Variants in BACH2 observed in about 807,000 individuals in gnomAD.
BACH2 encodes transcription regulator protein BACH2.
Under a neutral mutation model 61.8 loss-of-function variants are expected in BACH2, and 5 were observed. That is an observed-to-expected ratio of 0.08 (90% CI 0.04 to 0.17). BACH2 has a LOEUF of 0.17. Ranked by LOEUF, BACH2 falls within the 10% of genes least tolerant of loss-of-function variation. BACH2 has a pLI of 1.00. For missense variants in BACH2, 824 were observed against 1,091.1 expected, an observed-to-expected ratio of 0.76 and a Z score of 3.45; for synonymous variants, 446 against 440.1, an observed-to-expected ratio of 1.01 and a Z score of -0.17.
At chr6:90,225,991 TAG>T (rs1769899902) in intron 3 of BACH2, among the ~76,000 whole-genome samples, 2 of 152,122 alleles carry the variant, frequency 1.3e-5, no homozygotes, top group South Asian at 4.1e-4. Flanking sequence ...TCAGAAATGC[TAG>T]AGAGGCACCC....
At position 89,931,557 on chromosome 6, in the gene BACH2, CA is replaced by C. The variant is rs1254043861; in HGVS notation, c.*850del. The C allele has an allele frequency of 2.6e-5, 4 of 152,460 alleles. No individual in the cohort carries two copies. The highest frequency in any genetic ancestry group is 9.7e-5 in the African/African-American group (4 of 41,380). 9.4% of individuals were successfully genotyped at this position (152,460 alleles called of 1,614,324 possible). A position where few individuals can be genotyped will look rare whatever the true frequency, so the allele number is the denominator to read the frequency against. ...TTGACCCAAAACTCAGTGCAAGTGG[CA>C]AAGTTGACCATTACTGTACAGTATC... is the stretch of plus-strand genomic sequence containing the variant. On this transcript the variant is annotated 3_prime_UTR_variant, in exon 9 of 9. Coordinates refer to ENST00000257749, the MANE Select transcript of BACH2 (RefSeq NM_021813.4).
chr6:89,965,659 T>C (rs1775011370), intron 6 of BACH2, among the ~76,000 whole-genome samples: 2 of 152,220 alleles, frequency 1.3e-5, no homozygotes, highest in South Asian at 4.1e-4. Context: ...TGACAATCCA[T>C]CACATATTTG....
At chr6:90,099,388 T>C (rs1782519619) in intron 4 of BACH2, among the ~76,000 whole-genome samples, 1 of 139,048 alleles carries the variant, frequency 7.2e-6, no homozygotes, top group Non-Finnish European at 1.5e-5. Flanking sequence ...GCTTTTGTTT[T>C]ATTTTTTTTA....
At chr6:89,983,240 T>C (rs572418856) in intron 6 of BACH2, among the ~76,000 whole-genome samples, 1 of 152,394 alleles carries the variant, frequency 6.6e-6, no homozygotes, top group East Asian at 1.9e-4. Context: ...AGTGCTTCTT[T>C]GTATTTATTC....
chr6:90,049,719 C>T (rs1450038209), intron 5 of BACH2, among the ~76,000 whole-genome samples: 2 of 152,122 alleles, frequency 1.3e-5, no homozygotes, highest in African/African-American at 4.8e-5. Context: ...CTTGATCAAG[C>T]AGTAAAAATT....
At position 89,951,151 on chromosome 6, in the gene BACH2, T is replaced by C. The variant is rs754815178; in HGVS notation, c.955A>G (p.Thr319Ala). The C allele has an allele frequency of 1.9e-5, 31 of 1,590,010 alleles. No individual in the cohort carries two copies. The South Asian group carries it at 2.3e-4, about 12-fold the overall frequency. Residue 319 changes from threonine (T) to alanine (A), a missense_variant, in exon 7 of 9, where the codon ACC becomes GCC. Physicochemically the swap from Thr to Ala is moderately conservative, Grantham distance 58. Transcript: ENST00000257749. This position sits in a 1 kb window ranked among gnomAD's most constrained non-coding sequence, Gnocchi z 6.4. ...MDRKQPSPAP[T>A]PTAPAGAACL... ...GCGGCCCCAGCTGGGGCCGTGGGGG[T>C]AGGGGCAGGGCTGGGCTGTTTCCGG...
chr6:89,960,013 G>C (rs1390872526), intron 6 of BACH2, among the ~76,000 whole-genome samples: 1 of 152,158 alleles, frequency 6.6e-6, no homozygotes, highest in Non-Finnish European at 1.5e-5. Flanking sequence ...CTCTGTGGTG[G>C]AGTGTCCGGA....
chr6:90,006,048 A>C (rs1050633024), intron 6 of BACH2, among the ~76,000 whole-genome samples: 3 of 152,220 alleles, frequency 2.0e-5, no homozygotes, highest in East Asian at 3.8e-4. Context: ...CATGGAAATA[A>C]GCAATTATCA....
At chr6:90,014,468 ATTTTTTTTTTTTTT>A (rs1164045089) in intron 5 of BACH2, among the ~76,000 whole-genome samples, 1 of 32,314 alleles carries the variant, frequency 3.1e-5, no homozygotes, top group Non-Finnish European at 4.7e-5. Flanking sequence ...ATATATATAT[ATTTTTTTTTTTTTT>A]TTTTTTTTTT....
intron 6 of BACH2, among the ~76,000 whole-genome samples, chr6:89,957,189 C>T (rs1168407040): frequency 6.6e-6 from 1 of 152,172 alleles, no homozygotes; most frequent in African/African-American, 2.4e-5. Flanking sequence ...CTCTCCCTTC[C>T]CACTCTCTTA....
intron 4 of BACH2, among the ~76,000 whole-genome samples, chr6:90,100,714 C>T (rs202023027): frequency 1.8e-3 from 102 of 57,706 alleles, no homozygotes; most frequent in South Asian, 2.9e-3. Context: ...CACACACACA[C>T]ACACACACAC....
intron 6 of BACH2, among the ~76,000 whole-genome samples, chr6:90,000,551 T>A (rs188889189): frequency 4.5e-4 from 68 of 152,228 alleles, no homozygotes; most frequent in Middle Eastern, 3.2e-3. Flanking sequence ...TATAGCACCA[T>A]CCTTCCAAGA....
chr6:90,219,196 T>C (rs1320584685), intron 3 of BACH2, among the ~76,000 whole-genome samples: 1 of 152,184 alleles, frequency 6.6e-6, no homozygotes, highest in Non-Finnish European at 1.5e-5. Context: ...AAGTCTTTCT[T>C]GTAAGTGTAT....
intron 5 of BACH2, among the ~76,000 whole-genome samples, chr6:90,085,745 A>C (rs1326368692): frequency 6.6e-6 from 1 of 152,160 alleles, no homozygotes; most frequent in African/African-American, 2.4e-5. Context: ...GCACCCTCAC[A>C]AACTGCAGCA....
intron 3 of BACH2, among the ~76,000 whole-genome samples, chr6:90,212,860 G>A (rs972235814): frequency 2.6e-5 from 4 of 152,202 alleles, no homozygotes; most frequent in Non-Finnish European, 2.9e-5. Flanking sequence ...GAAGGGCCAA[G>A]AGTGACAAGT....
chr6:90,245,506 G>A (rs1770603956), intron 3 of BACH2, among the ~76,000 whole-genome samples: 3 of 152,196 alleles, frequency 2.0e-5, no homozygotes, highest in Non-Finnish European at 2.9e-5. Flanking sequence ...GAGGTAGCCA[G>A]TGAACTGTGA....
rs1268146175 is a variant in BACH2 at position 89,930,971 on chromosome 6, T to C, written c.*1437A>G. ...GAAGGCAGGACCTTCGGGGCTGTGA[T>C]TCAAATCCCCTCAGGCCAGATGTCC... On this transcript the variant is annotated 3_prime_UTR_variant, in exon 9 of 9. Coordinates refer to ENST00000257749, the MANE Select transcript of BACH2 (RefSeq NM_021813.4). The C allele has an allele frequency of 6.6e-6, 1 of 152,188 alleles. No homozygotes were observed. Among genetic ancestry groups the C allele is most frequent in the Non-Finnish European group, 1.5e-5 (1 of 68,028 alleles). The allele number at this position is 152,188 out of a possible 1,614,324, so 9.4% of individuals were successfully genotyped here. A position where few individuals can be genotyped will look rare whatever the true frequency, so the allele number is the denominator to read the frequency against.
chr6:90,193,153 C>T (rs1374197008), intron 4 of BACH2, among the ~76,000 whole-genome samples: 1 of 152,208 alleles, frequency 6.6e-6, no homozygotes, highest in African/African-American at 2.4e-5. Flanking sequence ...AAGTGAGGTG[C>T]AGACAATTGC....
At chr6:90,291,294 A>G (rs1243544072) in intron 1 of BACH2, among the ~76,000 whole-genome samples, 4 of 152,196 alleles carry the variant, frequency 2.6e-5, no homozygotes, top group Non-Finnish European at 5.9e-5. Context: ...AAATAGCTCA[A>G]GGAAAAACAA....
Sources: allele counts gnomAD v4.1 joint callset (sites outside exome capture counted in the v4.1 genomes callset), GRCh38; gene constraint gnomAD v4.1.1; non-coding constraint Gnocchi (gnomAD v3.1); transcripts MANE v1.5; gene names NCBI Gene and HGNC (gene_info 2026-07-23, HGNC 2026-07-21).